Variants in BMPR2 observed in about 807,000 individuals in gnomAD.
BMPR2 encodes bone morphogenetic protein receptor type-2.
BMPR2 carries 29 observed loss-of-function variants against 100.8 expected under a neutral mutation model. The observed-to-expected ratio is 0.29, with a 90% confidence interval of 0.21 to 0.39. The LOEUF (loss-of-function observed/expected upper bound fraction) is 0.39. Among genes scored for constraint, BMPR2 ranks in the 10% least tolerant of loss-of-function variants. The pLI is 1.00. For synonymous variants in BMPR2, 382 were observed against 442.3 expected (o/e 0.86, Z 1.71); for missense variants, 1,011 against 1,274.5 (o/e 0.79, Z 3.15).
chr2:202,414,993 A>C (rs1445210054), intron 1 of BMPR2, among the ~76,000 whole-genome samples: 1 of 151,904 alleles, frequency 6.6e-6, no homozygotes, highest in Non-Finnish European at 1.5e-5. Context: ...TGGCCTCCCA[A>C]AGTGTTGATA....
Position 202,466,210 on chromosome 2 carries a change from GCTTT to G in BMPR2, c.247+1234_247+1237del, listed in dbSNP as rs377640305. Among the ~76,000 whole-genome samples, 38 of 152,292 alleles carry G rather than the reference GCTTT, an allele frequency of 2.5e-4. No homozygotes were observed. In the South Asian group the frequency reaches 7.5e-3, roughly 30 times the overall value. ...AAGACTGTATAAAAATTTCCATGTG[GCTTT>G]CTAAAAGTACTGTTCATTTATATTC... On this transcript the variant is annotated intron_variant, in intron 2 of 12. Coordinates refer to ENST00000374580, the MANE Select transcript of BMPR2 (RefSeq NM_001204.7).
intron 11 of BMPR2, among the ~76,000 whole-genome samples, chr2:202,554,690 T>A (rs893263241): frequency 3.9e-5 from 6 of 152,210 alleles, no homozygotes; most frequent in African/African-American, 1.4e-4. Flanking sequence ...TCAAGGACTT[T>A]TACTGATATG....
At chr2:202,506,942 G>T (rs773466964) in intron 3 of BMPR2, among the ~76,000 whole-genome samples, 1 of 150,752 alleles carries the variant, frequency 6.6e-6, no homozygotes, top group Admixed American at 6.6e-5. Context: ...GCATAGTGGC[G>T]TGCACCTGTA....
At position 202,434,558 on chromosome 2, in the gene BMPR2, T is replaced by C. The variant is rs145606053; in HGVS notation, c.77-30251T>C. On this transcript the variant is annotated intron_variant, in intron 1 of 12. Coordinates refer to ENST00000374580, the MANE Select transcript of BMPR2 (RefSeq NM_001204.7). ...AAACAAGGGCAATTTTTAAAGAGTT[T>C]CAATGGAAAATCAATATAGTCCTGA... Among the ~76,000 whole-genome samples the C allele has an allele frequency of 3.9e-4, 58 of 150,392 alleles. 6 individuals carry two copies. The highest frequency in any genetic ancestry group is 7.9e-4 in the Admixed American group (12 of 15,186).
At chr2:202,382,058 G>GTTTTT (rs1216592236) in intron 1 of BMPR2, among the ~76,000 whole-genome samples, 63 of 113,648 alleles carry the variant, frequency 5.5e-4, no homozygotes, top group East Asian at 7.7e-4. Context: ...TTTTGTTTTT[G>GTTTTT]TTTTTTTTTT....
intron 1 of BMPR2, among the ~76,000 whole-genome samples, chr2:202,380,194 C>CT (rs1280460305): frequency 6.6e-6 from 1 of 150,612 alleles, no homozygotes; most frequent in African/African-American, 2.4e-5. Flanking sequence ...CTATGCCCCC[C>CT]CCAAAAAAAA....
chr2:202,458,158 A>T (rs1295187320), intron 1 of BMPR2, among the ~76,000 whole-genome samples: 2 of 151,634 alleles, frequency 1.3e-5, no homozygotes, highest in Non-Finnish European at 2.9e-5. Context: ...TATTTAAAAA[A>T]TTTTTGAGCC....
Position 202,395,867 on chromosome 2 carries a change from G to A in BMPR2, c.76+18317G>A, listed in dbSNP as rs183492459. 2.0e-3 allele frequency among the ~76,000 whole-genome samples: 302 copies of A among 152,268 alleles called. 1 individual carries two copies. The highest frequency in any genetic ancestry group is 6.6e-3 in the African/African-American group (274 of 41,556). ...AGGAGGATCGACTTGAACCTGGGAG[G>A]CGGAGGTTGCAGTGAGCTGAGATTG... On this transcript the variant is annotated intron_variant, in intron 1 of 12. Transcript: ENST00000374580.
intron 10 of BMPR2, among the ~76,000 whole-genome samples, chr2:202,548,384 T>C (rs1372170184): frequency 1.3e-5 from 2 of 151,974 alleles, no homozygotes; most frequent in African/African-American, 4.8e-5. Context: ...CCTAGGAATG[T>C]GAAGCTGTAG....
chr2:202,393,378 C>T (rs1690588829), intron 1 of BMPR2, among the ~76,000 whole-genome samples: 1 of 152,148 alleles, frequency 6.6e-6, no homozygotes, highest in Admixed American at 6.6e-5. Context: ...CCTTATTGCC[C>T]TTGCCTTTGC....
chr2:202,477,625 G>GA (rs1462649400), intron 3 of BMPR2, among the ~76,000 whole-genome samples: 2 of 151,970 alleles, frequency 1.3e-5, no homozygotes, highest in Non-Finnish European at 2.9e-5. Context: ...CACCTCTACT[G>GA]AAAATACAAA....
chr2:202,416,841 CTTT>C (rs1440014293), intron 1 of BMPR2, among the ~76,000 whole-genome samples: 3 of 139,668 alleles, frequency 2.1e-5, no homozygotes, highest in African/African-American at 2.6e-5. Flanking sequence ...TTTTCTTTTT[CTTT>C]TTTTTTTTTT....
chr2:202,480,794 GATACAAAAAAAT>G (rs1692643359), intron 3 of BMPR2, among the ~76,000 whole-genome samples: 1 of 150,898 alleles, frequency 6.6e-6, no homozygotes, highest in South Asian at 2.1e-4. Flanking sequence ...TCTACTAAAA[GATACAAAAAAAT>G]TAGCCAGGCG....
chr2:202,452,455 T>G, intron 1 of BMPR2, among the ~76,000 whole-genome samples: 1 of 152,192 alleles, frequency 6.6e-6, no homozygotes, highest in East Asian at 1.9e-4. Context: ...GATTTCATTT[T>G]CCTGTTTTGT....
chr2:202,556,641 C>A, intron 12 of BMPR2, 110 bp downstream of exon 12: 1 of 1,332,212 alleles, frequency 7.5e-7, no homozygotes, highest in Non-Finnish European at 1.0e-6. Flanking sequence ...TTACCTTTAC[C>A]ACTTTTGTAA....
intron 4 of BMPR2, among the ~76,000 whole-genome samples, chr2:202,514,670 T>G (rs1391473982): frequency 6.6e-6 from 1 of 152,178 alleles, no homozygotes; most frequent in Non-Finnish European, 1.5e-5. Flanking sequence ...ATCATGGGAG[T>G]GTCTCCCAGA....
At chr2:202,407,883 A>C (rs1690935030) in intron 1 of BMPR2, among the ~76,000 whole-genome samples, 1 of 149,878 alleles carries the variant, frequency 6.7e-6, no homozygotes, top group Admixed American at 6.7e-5. Context: ...GCCCAGGCTG[A>C]AGTGCAGTGG....
At chr2:202,446,289 C>T (rs1324642060) in intron 1 of BMPR2, among the ~76,000 whole-genome samples, 7 of 149,918 alleles carry the variant, frequency 4.7e-5, no homozygotes, top group Non-Finnish European at 1.0e-4. Flanking sequence ...ATCCCAGCTA[C>T]TTGGGAGGCT....
chr2:202,531,835 T>C (rs1688034370), intron 8 of BMPR2, among the ~76,000 whole-genome samples: 1 of 148,370 alleles, frequency 6.7e-6, no homozygotes, highest in Admixed American at 6.8e-5. Flanking sequence ...TTTCTCCATG[T>C]TAGGGTGGTC....
Sources: allele counts gnomAD v4.1 joint callset (sites outside exome capture counted in the v4.1 genomes callset), GRCh38; gene constraint gnomAD v4.1.1; transcripts MANE v1.5; gene names NCBI Gene and HGNC (gene_info 2026-07-23, HGNC 2026-07-21).